The following XRN2 variants were observed in gnomAD, a reference collection of about 807,000 sequenced individuals.
XRN2 encodes 5'-3' exoribonuclease 2.
A neutral mutation model predicts 138.5 loss-of-function variants in XRN2; 44 were observed. The ratio of observed to expected loss-of-function variants is 0.32; its 90% confidence interval spans 0.25 to 0.41. The LOEUF (loss-of-function observed/expected upper bound fraction) is 0.41, where lower values mean the gene tolerates loss of function less well. Among genes scored for constraint, XRN2 ranks in the 10% least tolerant of loss-of-function variants. XRN2 has a pLI of 1.00. For missense variants in XRN2, 937 were observed against 1,169.3 expected, an observed-to-expected ratio of 0.80 and a Z score of 2.90; for synonymous variants, 354 against 369.4, an observed-to-expected ratio of 0.96 and a Z score of 0.48.
In XRN2 at chr20:21,386,974, C is replaced by G. The variant is rs1272800788; in HGVS notation, c.2755C>G (p.Pro919Ala). 1 of 1,613,460 alleles carries G rather than the reference C, an allele frequency of 6.2e-7. No individual in the cohort carries two copies. The highest frequency in any genetic ancestry group is 8.5e-7 in the Non-Finnish European group (1 of 1,179,448). ...YQMLAGPGGY[P>A]PRRDDRGGRQ... is the part of the protein sequence containing the mutation. ...GATGCTAGCTGGGCCTGGTGGGTATCCACCCAGACGAGATGATCGTGGAGG... is the reference window on the plus strand; with the variant it reads ...GATGCTAGCTGGGCCTGGTGGGTATGCACCCAGACGAGATGATCGTGGAGG... Residue 919 changes from proline (P) to alanine (A), a missense_variant, in exon 29 of 30, where the codon CCA (proline) becomes GCA (alanine). By Grantham distance (27) the Pro-to-Ala change is conservative. This residue lies in a region of XRN2 where 372 missense variants were observed against 414.4 expected (regional missense o/e 0.90). Transcript: ENST00000377191.
intron 27 of XRN2, 37 bp from the exon 28 acceptor site, chr20:21,381,957 T>A (rs753395032): frequency 7.7e-6 from 12 of 1,564,974 alleles, no homozygotes; most frequent in South Asian, 2.4e-5. Context: ...TGGTTACTTT[T>A]AAAAATCTTC....
chr20:21,356,454 T>C, intron 22 of XRN2, 132 bp from the exon 23 acceptor site: 1 of 709,432 alleles, frequency 1.4e-6, no homozygotes, highest in East Asian at 2.8e-5. Flanking sequence ...TCCACTTATC[T>C]ATTGGTAAAT....
At chr20:21,362,860 T>G (rs2038653002) in intron 24 of XRN2, among the ~76,000 whole-genome samples, 1 of 152,220 alleles carries the variant, frequency 6.6e-6, no homozygotes, top group Non-Finnish European at 1.5e-5. Context: ...ACTAGCTATG[T>G]TTTTTCCTTG....
intron 27 of XRN2, among the ~76,000 whole-genome samples, chr20:21,372,083 C>T (rs1173031604): frequency 2.0e-5 from 3 of 152,188 alleles, no homozygotes; most frequent in African/African-American, 4.8e-5. Flanking sequence ...ATTTCAGTTA[C>T]GTCATGAAAA....
At chr20:21,378,292 CTG>C (rs745842806) in intron 27 of XRN2, among the ~76,000 whole-genome samples, 1 of 152,252 alleles carries the variant, frequency 6.6e-6, no homozygotes, top group South Asian at 2.1e-4. Context: ...CTTGTTGAAA[CTG>C]TAAGTTTCTG....
chr20:21,340,660 T>C, intron 14 of XRN2, 61 bp from the exon 15 acceptor site: 1 of 1,571,202 alleles, frequency 6.4e-7, no homozygotes, highest in Non-Finnish European at 8.7e-7. Context: ...TTCTTTCCTT[T>C]CTGTCATCTA....
At chr20:21,304,916 A>G (rs900605374) in intron 1 of XRN2, among the ~76,000 whole-genome samples, 2 of 152,226 alleles carry the variant, frequency 1.3e-5, no homozygotes, top group African/African-American at 2.4e-5. Flanking sequence ...CAGATTTAAA[A>G]TGCTGAAAAA....
chr20:21,352,682 A>G (rs1279375789), intron 20 of XRN2, among the ~76,000 whole-genome samples: 3 of 152,214 alleles, frequency 2.0e-5, no homozygotes, highest in African/African-American at 4.8e-5. Flanking sequence ...GCTTAGTACT[A>G]TATAGATATA....
intron 1 of XRN2, among the ~76,000 whole-genome samples, chr20:21,309,510 C>T (rs1600667594): frequency 6.6e-6 from 1 of 152,126 alleles, no homozygotes; most frequent in East Asian, 1.9e-4. Flanking sequence ...AATTCGTAAA[C>T]TTTCTTAAAA....
intron 15 of XRN2, among the ~76,000 whole-genome samples, chr20:21,343,154 A>G (rs181612676): frequency 3.9e-5 from 6 of 152,274 alleles, no homozygotes; most frequent in Non-Finnish European, 8.8e-5. Context: ...AGTTTACTTG[A>G]AATAGCTAAT....
At chr20:21,316,990 G>A (rs1311394463) in intron 1 of XRN2, among the ~76,000 whole-genome samples, 3 of 152,046 alleles carry the variant, frequency 2.0e-5, no homozygotes, top group African/African-American at 4.8e-5. Context: ...GTCATATATC[G>A]TAATAATTTT....
At chr20:21,374,830 T>C (rs2038800457) in intron 27 of XRN2, among the ~76,000 whole-genome samples, 1 of 151,944 alleles carries the variant, frequency 6.6e-6, no homozygotes, top group South Asian at 2.1e-4. Context: ...TTCTACATTT[T>C]TGTTCTCTGT....
At chr20:21,334,708 C>T (rs180918617) in intron 13 of XRN2, among the ~76,000 whole-genome samples, 7 of 152,178 alleles carry the variant, frequency 4.6e-5, no homozygotes, top group African/African-American at 1.4e-4. Flanking sequence ...TATGGATGAG[C>T]GCTTACATGA....
chr20:21,304,598 T>TA (rs1396844543), intron 1 of XRN2, among the ~76,000 whole-genome samples: 2 of 152,238 alleles, frequency 1.3e-5, no homozygotes, highest in African/African-American at 4.8e-5. Context: ...GTTCTGTCTC[T>TA]AAGTATCATA....
At chr20:21,346,673 G>A in intron 17 of XRN2, 123 bp downstream of exon 17, 2 of 1,216,538 alleles carry the variant, frequency 1.6e-6, no homozygotes, top group Non-Finnish European at 2.3e-6. Flanking sequence ...GGGCGGGAGG[G>A]CAATGGCGTG....
chr20:21,303,633 C>T (rs1053652319), intron 1 of XRN2, 160 bp downstream of exon 1: 51 of 1,355,780 alleles, frequency 3.8e-5, no homozygotes, highest in Non-Finnish European at 4.5e-5. Flanking sequence ...CGATGGGACG[C>T]GGGCTGTGGG....
chr20:21,358,070 G>T (rs1356426676), intron 24 of XRN2, among the ~76,000 whole-genome samples: 1 of 152,166 alleles, frequency 6.6e-6, no homozygotes, highest in East Asian at 1.9e-4. Flanking sequence ...GAGGTAAAGA[G>T]TAGGAGTATC....
intron 27 of XRN2, among the ~76,000 whole-genome samples, chr20:21,380,801 C>T (rs1034397235): frequency 1.3e-5 from 2 of 152,200 alleles, no homozygotes; most frequent in African/African-American, 4.8e-5. Flanking sequence ...TGGCCATGGA[C>T]TGATGTGGGA....
At chr20:21,371,580 A>C (rs1022958203) in intron 27 of XRN2, among the ~76,000 whole-genome samples, 7 of 152,250 alleles carry the variant, frequency 4.6e-5, no homozygotes, top group Non-Finnish European at 1.0e-4. Flanking sequence ...AGGAGAGTCT[A>C]ATCATTTTGA....
Sources: allele counts gnomAD v4.1 joint callset (sites outside exome capture counted in the v4.1 genomes callset), GRCh38; gene constraint gnomAD v4.1.1; regional missense constraint gnomAD v4.1.1; transcripts MANE v1.5; gene names NCBI Gene and HGNC (gene_info 2026-07-23, HGNC 2026-07-21).